The following EXOC4 variants were observed in gnomAD, a reference collection of about 807,000 sequenced individuals.
EXOC4 encodes exocyst complex component 4.
Under a neutral mutation model 107.2 loss-of-function variants are expected in EXOC4, and 71 were observed. The observed-to-expected ratio is 0.66, with a 90% CI of 0.55 to 0.81. EXOC4 has a LOEUF of 0.81. EXOC4 is among the 30% of genes least tolerant of loss of function. The pLI is 0.00. For synonymous variants in EXOC4, 456 were observed against 441.2 expected (o/e 1.03, Z -0.42); for missense variants, 1,108 against 1,189.6 (o/e 0.93, Z 1.01).
chr7:133,758,904 T>C (rs1795975058), intron 10 of EXOC4, among the ~76,000 whole-genome samples: 1 of 152,106 alleles, frequency 6.6e-6, no homozygotes, highest in African/African-American at 2.4e-5. Flanking sequence ...TAAGGGGAAA[T>C]CAAGAATTCA....
chr7:133,978,960 G>T (rs1793907500), intron 14 of EXOC4, among the ~76,000 whole-genome samples: 1 of 152,212 alleles, frequency 6.6e-6, no homozygotes, highest in Non-Finnish European at 1.5e-5. Context: ...CAAAGCACAA[G>T]GGTATGTTCC....
At chr7:134,077,543 G>C in the EXOC4 span, among the ~76,000 whole-genome samples, 3 of 152,188 alleles carry the variant, frequency 2.0e-5, no homozygotes, top group African/African-American at 7.2e-5. Context: ...GTTGAAACAG[G>C]AGAATCTTTA....
chr7:133,963,841 A>T (rs1801001296), intron 14 of EXOC4, among the ~76,000 whole-genome samples: 1 of 152,196 alleles, frequency 6.6e-6, no homozygotes, highest in Admixed American at 6.5e-5. Context: ...TTACAACCTA[A>T]TGGGGCCATT....
chr7:133,997,557 C>T lies in EXOC4; in HGVS notation c.2272C>T (p.Gln758Ter). ...CCCCCCAGTGTCAGAGCAGATCATGCAGACTCTCAGTGAACTTGCCAAATC... is the reference window on the plus strand; with the variant it reads ...CCCCCCAGTGTCAGAGCAGATCATGTAGACTCTCAGTGAACTTGCCAAATC... Reference protein sequence around the residue: ...DLPPVSEQIMQTLSELAKSFQ... With the variant: ...DLPPVSEQIM The change falls in exon 15 of 18, where the codon CAG (glutamine) becomes TAG (stop). Residue 758 changes from glutamine to a stop codon, truncating the protein, a stop_gained. Coordinates refer to ENST00000253861, the MANE Select transcript of EXOC4 (RefSeq NM_021807.4). LOFTEE classifies it high-confidence loss of function. 1.2e-6 allele frequency: 2 copies of T among 1,613,756 alleles called. No individual in the cohort carries two copies. The highest frequency in any genetic ancestry group is 8.5e-7 in the Non-Finnish European group (1 of 1,179,806).
chr7:133,755,237 A>ATG (rs1377966515), intron 10 of EXOC4, among the ~76,000 whole-genome samples: 45 of 101,520 alleles, frequency 4.4e-4, no homozygotes, highest in East Asian at 4.0e-3. Context: ...TATATATAAT[A>ATG]TATATAATAT....
chr7:133,415,992 GGTT>G (rs1348790496), intron 7 of EXOC4, among the ~76,000 whole-genome samples: 1 of 152,262 alleles, frequency 6.6e-6, no homozygotes, highest in Admixed American at 6.5e-5. Flanking sequence ...ACTAAGGAAA[GGTT>G]GTCAACCATG....
At chr7:134,059,222 C>A (rs1239870803) in intron 17 of EXOC4, among the ~76,000 whole-genome samples, 1 of 152,156 alleles carries the variant, frequency 6.6e-6, no homozygotes, top group African/African-American at 2.4e-5. Context: ...GTGAGTATTT[C>A]TTCCCTCAAT....
intron 14 of EXOC4, among the ~76,000 whole-genome samples, chr7:133,983,659 T>G (rs760710428): frequency 2.0e-5 from 3 of 152,208 alleles, no homozygotes; most frequent in Non-Finnish European, 2.9e-5. Flanking sequence ...ATGTTACCTC[T>G]CTGCCATGTA....
intron 7 of EXOC4, among the ~76,000 whole-genome samples, chr7:133,390,257 C>T (rs1043540387): frequency 5.3e-5 from 8 of 152,180 alleles, no homozygotes; most frequent in Admixed American, 2.0e-4. Flanking sequence ...TCAGCTTAAT[C>T]GGCTTTCTAT....
chr7:133,857,053 C>T (rs1419775547), intron 11 of EXOC4, among the ~76,000 whole-genome samples: 7 of 141,828 alleles, frequency 4.9e-5, no homozygotes, highest in Admixed American at 2.2e-4. Flanking sequence ...GCCGAGATCA[C>T]GCCACTGCAC....
intron 6 of EXOC4, among the ~76,000 whole-genome samples, chr7:133,367,879 A>C (rs1796282222): frequency 1.3e-5 from 2 of 152,114 alleles, no homozygotes; most frequent in Admixed American, 1.3e-4. Context: ...TCATGATTTC[A>C]TTGTCATTGT....
At chr7:133,938,728 C>T (rs1800360650) in intron 14 of EXOC4, among the ~76,000 whole-genome samples, 1 of 152,168 alleles carries the variant, frequency 6.6e-6, no homozygotes, top group African/African-American at 2.4e-5. Context: ...TAAAGCATTA[C>T]TTCAGGAGTA....
intron 7 of EXOC4, among the ~76,000 whole-genome samples, chr7:133,377,639 G>A (rs1273310017): frequency 6.6e-6 from 1 of 152,092 alleles, no homozygotes; most frequent in African/African-American, 2.4e-5. Flanking sequence ...AAAAAGTTTT[G>A]AAATTTGTTG....
chr7:133,849,419 T>C (rs1798197438), intron 11 of EXOC4, among the ~76,000 whole-genome samples: 1 of 152,116 alleles, frequency 6.6e-6, no homozygotes, highest in Non-Finnish European at 1.5e-5. Flanking sequence ...ATCCTGTCTC[T>C]TAAATTAAAA....
intron 12 of EXOC4, among the ~76,000 whole-genome samples, chr7:133,901,899 G>C (rs1212010997): frequency 6.6e-6 from 1 of 151,694 alleles, no homozygotes; most frequent in Non-Finnish European, 1.5e-5. Context: ...TTACTGTTAG[G>C]ACCCACTTCT....
At chr7:133,664,196 T>A (rs1188319776) in intron 10 of EXOC4, among the ~76,000 whole-genome samples, 3 of 152,318 alleles carry the variant, frequency 2.0e-5, no homozygotes, top group Middle Eastern at 3.4e-3. Flanking sequence ...CCCTACTTTT[T>A]AATTTTTTTC....
chr7:133,453,235 A>G (rs1798388428), intron 7 of EXOC4, among the ~76,000 whole-genome samples: 1 of 152,224 alleles, frequency 6.6e-6, no homozygotes, highest in Non-Finnish European at 1.5e-5. Context: ...AGTGATTTTA[A>G]TATCATTGGT....
At chr7:133,723,212 G>A (rs1819905) in intron 10 of EXOC4, among the ~76,000 whole-genome samples, 2,359 of 152,318 alleles carry the variant, frequency 0.015, 59 homozygotes, top group African/African-American at 0.053. Context: ...GTAGAAAAGA[G>A]GGGAGAAGAG....
intron 10 of EXOC4, among the ~76,000 whole-genome samples, chr7:133,816,922 GC>G (rs1282225336): frequency 2.0e-5 from 3 of 152,116 alleles, no homozygotes; most frequent in African/African-American, 4.8e-5. Flanking sequence ...CTGGTTCATC[GC>G]CCGGTGTGGG....
Sources: gnomAD v4.1 joint callset for allele counts (sites outside exome capture counted in the v4.1 genomes callset) on GRCh38, gnomAD v4.1.1 for gene constraint, MANE v1.5 for transcripts, NCBI Gene and HGNC (gene_info 2026-07-23, HGNC 2026-07-21) for gene names.